Variants in PDZD2 observed in about 807,000 individuals in gnomAD.
PDZD2 encodes the protein PDZ domain-containing protein 2.
PDZD2 carries 90 observed loss-of-function variants against 220.7 expected under a neutral mutation model. The observed-to-expected ratio is 0.41, with a 90% CI of 0.34 to 0.49. The LOEUF (loss-of-function observed/expected upper bound fraction) is 0.49. PDZD2 is among the 20% of genes least tolerant of loss of function. The pLI is 0.28. For synonymous variants in PDZD2, 1,375 were observed against 1,450.5 expected, an observed-to-expected ratio of 0.95 and a Z score of 1.18; for missense variants, 3,174 against 3,608.5, an observed-to-expected ratio of 0.88 and a Z score of 3.08.
rs145302089 is a variant in PDZD2 at position 31,862,878 on chromosome 5, C to T, written c.476+63154C>T. On this transcript the variant is annotated intron_variant, in intron 2 of 24. Transcript: ENST00000438447. ...AGTAGCTGGGATTACAGGCACGCGC[C>T]GCTACGCCCAGCTAATTTTTTTGTA... 4.0e-3 allele frequency among the ~76,000 whole-genome samples: 616 copies of T among 152,254 alleles called. 5 individuals are homozygous for T. Among genetic ancestry groups the T allele is most frequent in the African/African-American group, 0.014 (572 of 41,570 alleles).
chr5:32,091,279 CTTTTT>C, intron 20 of PDZD2, 104 bp downstream of exon 20: 562 of 261,230 alleles, frequency 2.2e-3, no homozygotes, highest in Middle Eastern at 4.7e-3. Context: ...TTCCCACTTA[CTTTTT>C]TTTTTTTTTT....
chr5:32,064,836 C>T (rs997696487), intron 14 of PDZD2, among the ~76,000 whole-genome samples: 7 of 150,916 alleles, frequency 4.6e-5, no homozygotes, highest in African/African-American at 7.3e-5. Flanking sequence ...GGTGTGCTGG[C>T]GGCTGCCTGT....
In PDZD2 at chr5:31,849,871, CATATATATATATATAT is replaced by C. The variant is rs1205582836; in HGVS notation, c.476+50149_476+50164del. ...TCTCTCTCTCTCTCATATATATATA[CATATATATATATATAT>C]ACACATATATATATATACATATATA... On this transcript the variant is annotated intron_variant, in intron 2 of 24. Coordinates refer to ENST00000438447, the MANE Select transcript of PDZD2 (RefSeq NM_178140.4). Among the ~76,000 whole-genome samples, 12 of 50,534 alleles carry C rather than the reference CATATATATATATATAT, an allele frequency of 2.4e-4. 1 individual carries two copies. The highest frequency in any genetic ancestry group is 6.2e-4 in the South Asian group (1 of 1,604). 33.2% of individuals were successfully genotyped at this position (50,534 alleles called of 152,430 possible). A position where few individuals can be genotyped will look rare whatever the true frequency, so the allele number is the denominator to read the frequency against.
intron 1 of PDZD2, among the ~76,000 whole-genome samples, chr5:31,681,672 T>C (rs1746656293): frequency 6.6e-6 from 1 of 152,134 alleles, no homozygotes; most frequent in African/African-American, 2.4e-5. Context: ...AAATGCTATG[T>C]GGAAGAGTTT....
At chr5:31,745,793 C>T in intron 1 of PDZD2, among the ~76,000 whole-genome samples, 1 of 145,300 alleles carries the variant, frequency 6.9e-6, no homozygotes, top group East Asian at 2.1e-4. Context: ...AAGGTGTTTC[C>T]TAACTCATGT....
intron 1 of PDZD2, among the ~76,000 whole-genome samples, chr5:31,660,855 T>TTAGACTAACTACAGGCATGTGTCAC (rs1745733361): frequency 6.6e-6 from 1 of 152,160 alleles, no homozygotes; most frequent in East Asian, 1.9e-4. Flanking sequence ...CCTGAGTAGC[T>TTAGACTAACTACAGGCATGTGTCAC]TAGACTAACT....
chr5:31,708,738 G>T (rs1747939978), intron 1 of PDZD2, among the ~76,000 whole-genome samples: 1 of 152,128 alleles, frequency 6.6e-6, no homozygotes, highest in South Asian at 2.1e-4. Context: ...ACATGGTATT[G>T]GGCCAAAGTC....
chr5:31,960,990 C>T (rs1748172480), intron 2 of PDZD2, among the ~76,000 whole-genome samples: 1 of 152,134 alleles, frequency 6.6e-6, no homozygotes, highest in African/African-American at 2.4e-5. Flanking sequence ...AATGCCATCA[C>T]TCAATTTTTG....
chr5:32,054,528 T>C (rs1327165298), intron 10 of PDZD2, among the ~76,000 whole-genome samples: 1 of 151,826 alleles, frequency 6.6e-6, no homozygotes, highest in Non-Finnish European at 1.5e-5. Flanking sequence ...TTCCACCATG[T>C]TGCCCAGGCT....
intron 1 of PDZD2, among the ~76,000 whole-genome samples, chr5:31,783,155 T>G (rs1244470030): frequency 6.6e-6 from 1 of 152,210 alleles, no homozygotes; most frequent in Admixed American, 6.5e-5. Context: ...AAATATTTGC[T>G]GGATGAATGA....
intron 2 of PDZD2, among the ~76,000 whole-genome samples, chr5:31,908,082 CAAAAAAAAA>C (rs55741622): frequency 7.8e-5 from 6 of 76,894 alleles, no homozygotes; most frequent in Admixed American, 4.0e-4. Context: ...GGCTCCGTCT[CAAAAAAAAA>C]AAAAAAAAAA....
intron 2 of PDZD2, among the ~76,000 whole-genome samples, chr5:31,879,930 T>TTA (rs1440647984): frequency 1.3e-5 from 2 of 149,424 alleles, no homozygotes; most frequent in Non-Finnish European, 3.0e-5. Flanking sequence ...TTTTTTTTTT[T>TTA]AACACGGATT....
chr5:31,670,409 G>A (rs557984432), intron 1 of PDZD2, among the ~76,000 whole-genome samples: 20 of 151,912 alleles, frequency 1.3e-4, no homozygotes, highest in Admixed American at 5.9e-4. Flanking sequence ...CTTAGTTTGC[G>A]TTTATTTTAT....
intron 2 of PDZD2, among the ~76,000 whole-genome samples, chr5:31,963,448 G>A (rs1193411322): frequency 6.6e-6 from 1 of 152,320 alleles, no homozygotes; most frequent in East Asian, 1.9e-4. Context: ...TGGGTGCTGG[G>A]AGAGGCGGGG....
At chr5:31,987,776 C>T (rs776573321) in intron 3 of PDZD2, among the ~76,000 whole-genome samples, 16 of 152,180 alleles carry the variant, frequency 1.1e-4, no homozygotes, top group Non-Finnish European at 1.5e-4. Flanking sequence ...TGGGGGTGAC[C>T]AACCATCCTG....
At chr5:31,871,924 C>T (rs1014887768) in intron 2 of PDZD2, among the ~76,000 whole-genome samples, 10 of 152,100 alleles carry the variant, frequency 6.6e-5, no homozygotes, top group Admixed American at 1.3e-4. Flanking sequence ...CTCCTGGGCT[C>T]AAGTTATCAA....
chr5:31,926,624 TGTAA>T (rs1744802618), intron 2 of PDZD2, among the ~76,000 whole-genome samples: 1 of 151,856 alleles, frequency 6.6e-6, no homozygotes, highest in Non-Finnish European at 1.5e-5. Context: ...TTGGTGTGAA[TGTAA>T]GTTAGTTTGA....
intron 1 of PDZD2, among the ~76,000 whole-genome samples, chr5:31,693,429 A>G (rs984749426): frequency 6.6e-6 from 1 of 151,892 alleles, no homozygotes; most frequent in Non-Finnish European, 1.5e-5. Context: ...TTTAGTAAAG[A>G]CGGGGTGTCA....
At chr5:31,734,469 G>A (rs1035459733) in intron 1 of PDZD2, among the ~76,000 whole-genome samples, 4 of 152,126 alleles carry the variant, frequency 2.6e-5, no homozygotes, top group African/African-American at 4.8e-5. Flanking sequence ...ACGGGCACCC[G>A]CCACCACACC....
Sources: gnomAD v4.1 joint callset for allele counts (sites outside exome capture counted in the v4.1 genomes callset) on GRCh38, gnomAD v4.1.1 for gene constraint, MANE v1.5 for transcripts, NCBI Gene and HGNC (gene_info 2026-07-23, HGNC 2026-07-21) for gene names.